Variants in PCNT observed in about 807,000 individuals in gnomAD.
The protein encoded by PCNT is pericentrin.
In PCNT, 319 loss-of-function variants were observed where a neutral mutation model predicts 380.4. That is an observed-to-expected ratio of 0.84 (90% CI 0.77 to 0.92). The LOEUF is 0.92. Among genes scored for constraint, PCNT ranks in the 40% least tolerant of loss-of-function variants. The probability of loss-of-function intolerance (pLI) is 0.00; values close to 1 mark genes in which losing one functional copy is unlikely to be tolerated. For missense variants in PCNT, 4,400 were observed against 4,255.3 expected, an observed-to-expected ratio of 1.03 and a Z score of -0.95; for synonymous variants, 1,845 against 1,735.2, an observed-to-expected ratio of 1.06 and a Z score of -1.57.
rs587784304 is a variant in PCNT, at chr21:46,391,335, G to A, written c.4175G>A (p.Arg1392Gln). 274 of 1,556,868 alleles carry A rather than the reference G, an allele frequency of 1.8e-4. 2 individuals are homozygous for A. The South Asian group carries it at 3.0e-3, about 17-fold the overall frequency. ...GAGGAGTGCACCCGTCTGTGGAGTC[G>A]GGGGGAGGCCACAGCCACGGACGCC... Reference protein sequence around the residue: ...LREECTRLWSRGEATATDAEA... With the variant: ...LREECTRLWSQGEATATDAEA... Residue 1392 changes from arginine (R) to glutamine (Q), a missense_variant, in exon 21 of 47, where the codon CGG becomes CAG. Coordinates refer to ENST00000359568, the MANE Select transcript of PCNT (RefSeq NM_006031.6).
chr21:46,367,169 G>A (rs1272140218), intron 15 of PCNT, 30 bp downstream of exon 15: 1 of 1,593,938 alleles, frequency 6.3e-7, no homozygotes, highest in African/African-American at 1.3e-5. Context: ...CCCCAGCCCA[G>A]GGCAGGCCTC....
intron 41 of PCNT, 55 bp from the exon 42 acceptor site, chr21:46,440,028 G>A (rs1187037836): frequency 6.2e-7 from 1 of 1,610,002 alleles, no homozygotes; most frequent in Non-Finnish European, 8.5e-7. Flanking sequence ...GCGTCTCTAA[G>A]ATGCTCTTGT....
intron 8 of PCNT, among the ~76,000 whole-genome samples, chr21:46,350,970 C>CG: frequency 6.6e-6 from 1 of 152,212 alleles, no homozygotes; most frequent in Admixed American, 6.5e-5. Context: ...TTTAGTGTCA[C>CG]GGTGTAAGAG....
chr21:46,442,939 A>G (rs1267820651), intron 44 of PCNT: 8 of 304,140 alleles, frequency 2.6e-5, no homozygotes, highest in South Asian at 9.0e-5. Flanking sequence ...GCTCACTCAC[A>G]TCTTTGTCTC....
intron 43 of PCNT, 31 bp downstream of exon 43, chr21:46,441,115 C>T: frequency 7.3e-7 from 1 of 1,360,912 alleles, no homozygotes; most frequent in Non-Finnish European, 1.1e-6. Context: ...TCAGTGCGTT[C>T]CGCGTCTGTC....
chr21:46,334,801 T>C (rs2083680755), intron 3 of PCNT, 33 bp downstream of exon 3: 1 of 1,614,188 alleles, frequency 6.2e-7, no homozygotes, highest in South Asian at 1.1e-5. Flanking sequence ...AGGTGTATTC[T>C]TTGTCAAAAG....
intron 21 of PCNT, among the ~76,000 whole-genome samples, chr21:46,396,036 A>G (rs1172199036): frequency 6.6e-6 from 1 of 152,194 alleles, no homozygotes; most frequent in Non-Finnish European, 1.5e-5. Context: ...TCCATCTCGG[A>G]AATAATAGTA....
intron 20 of PCNT, 121 bp from the exon 21 acceptor site, chr21:46,391,043 A>C: frequency 8.6e-7 from 1 of 1,158,290 alleles, no homozygotes; most frequent in South Asian, 1.3e-5. Context: ...TGGGTCCTGG[A>C]AGCTGCTGGC....
At chr21:46,421,760 G>A (rs1050093000) in intron 31 of PCNT, among the ~76,000 whole-genome samples, 1 of 152,198 alleles carries the variant, frequency 6.6e-6, no homozygotes, top group Non-Finnish European at 1.5e-5. Flanking sequence ...GTGAAGTTGC[G>A]TTTTCTTACT....
Position 46,353,187 on chromosome 21 carries a change from T to A in PCNT, c.1540T>A (p.Ser514Thr). 5 of 1,614,008 alleles carry A rather than the reference T, an allele frequency of 3.1e-6. No individual in the cohort carries two copies. The South Asian group carries it at 5.5e-5, about 18-fold the overall frequency. The change falls in exon 10 of 47, where the codon TCC (serine) becomes ACC (threonine). Residue 514 changes from serine to threonine, a missense_variant. By Grantham distance (58) the Ser-to-Thr change is moderately conservative. Transcript: ENST00000359568. ...LKQREKTQHE[S>T]ELEQLRIYFE... is the part of the protein sequence containing the mutation. The stretch of plus-strand genomic sequence containing the variant: ...GCAGCGAGAAAAAACCCAGCATGAG[T>A]CCGAACTGGAGCAACTGAGGATTTA...
At chr21:46,406,545 ACAT>A (rs1157165764) in intron 27 of PCNT, among the ~76,000 whole-genome samples, 1 of 152,198 alleles carries the variant, frequency 6.6e-6, no homozygotes, top group African/African-American at 2.4e-5. Flanking sequence ...GTATAAGATA[ACAT>A]CATCTTCAGA....
intron 27 of PCNT, among the ~76,000 whole-genome samples, chr21:46,408,106 A>G (rs1383949349): frequency 6.6e-6 from 1 of 152,192 alleles, no homozygotes; most frequent in Non-Finnish European, 1.5e-5. Flanking sequence ...CCACAATCTC[A>G]TCACTCAAAA....
At chr21:46,348,920 C>G in intron 6 of PCNT, 92 bp from the exon 7 acceptor site, 1 of 881,928 alleles carries the variant, frequency 1.1e-6, no homozygotes, top group Non-Finnish European at 1.9e-6. Flanking sequence ...GCCACGTTGC[C>G]TGGCCTGCTC....
At chr21:46,442,287 G>A (rs1291638134) in intron 43 of PCNT, among the ~76,000 whole-genome samples, 3 of 152,112 alleles carry the variant, frequency 2.0e-5, no homozygotes, top group African/African-American at 7.2e-5. Context: ...GGCATGGGAA[G>A]GTCGCCGCCG....
rs891644748 is a variant in PCNT, at chr21:46,414,529, C to T, written c.6150+1537C>T. Among the ~76,000 whole-genome samples, 3 of 146,546 alleles carry T rather than the reference C, an allele frequency of 2.0e-5. No homozygotes were observed. In the East Asian group the frequency reaches 6.1e-4, roughly 30 times the overall value. ...TCTCGACACACAACCACCCACCCTGCTCCTCCTCCTCCTCCTCCTGGACAT... is the reference window on the plus strand; with the variant it reads ...TCTCGACACACAACCACCCACCCTGTTCCTCCTCCTCCTCCTCCTGGACAT... On this transcript the variant is annotated intron_variant, in intron 29 of 46. Coordinates refer to ENST00000359568, the MANE Select transcript of PCNT (RefSeq NM_006031.6).
intron 2 of PCNT, among the ~76,000 whole-genome samples, chr21:46,327,393 T>C (rs1229053313): frequency 6.6e-6 from 1 of 151,702 alleles, no homozygotes; most frequent in Non-Finnish European, 1.5e-5. Flanking sequence ...GGGTTTTCTT[T>C]TTCTTTTTTT....
At position 46,366,898 on chromosome 21, in the gene PCNT, A is replaced by G. The variant is rs551387683; in HGVS notation, c.2924A>G (p.Tyr975Cys). The change falls in exon 15 of 47, where the codon TAC (tyrosine) becomes TGC (cysteine). Residue 975 changes from tyrosine (Y) to cysteine (C), a missense_variant. Coordinates refer to ENST00000359568, the MANE Select transcript of PCNT (RefSeq NM_006031.6). ...LSSLDSLESCYLSEFQTIREE... is the reference protein window; with the variant it reads ...LSSLDSLESCCLSEFQTIREE... ...AGCCTTGATTCTTTGGAATCCTGTT[A>G]CCTCTCTGAATTTCAGACCATCCGT... 6.2e-7 allele frequency: 1 copy of G among 1,614,178 alleles called. No individual in the cohort carries two copies. The highest frequency in any genetic ancestry group is 2.2e-5 in the East Asian group (1 of 44,864).
In PCNT at chr21:46,383,485, A is replaced by G. The variant is rs566513501; in HGVS notation, c.3312+1645A>G. Among the ~76,000 whole-genome samples, 45 of 137,982 alleles carry G rather than the reference A, an allele frequency of 3.3e-4. 1 individual carries two copies. Among genetic ancestry groups the G allele is most frequent in the Middle Eastern group, 4.6e-3 (1 of 216 alleles). The allele number at this position is 137,982 out of a possible 152,430, so 90.5% of individuals were successfully genotyped here. On this transcript the variant is annotated intron_variant, in intron 16 of 46. Coordinates refer to ENST00000359568, the MANE Select transcript of PCNT (RefSeq NM_006031.6). ...CAGAAGCGCATTCACAGTGTTGTATATTCAGTGGCGGAAGCGCATTCACCA... is the reference window on the plus strand; with the variant it reads ...CAGAAGCGCATTCACAGTGTTGTATGTTCAGTGGCGGAAGCGCATTCACCA...
chr21:46,400,767 G>T (rs755579330), intron 25 of PCNT, among the ~76,000 whole-genome samples: 16 of 152,118 alleles, frequency 1.1e-4, no homozygotes, highest in African/African-American at 3.6e-4. Context: ...TGATCTGCCC[G>T]CCTTGGCCTC....
Sources: allele counts gnomAD v4.1 joint callset (sites outside exome capture counted in the v4.1 genomes callset), GRCh38; gene constraint gnomAD v4.1.1; transcripts MANE v1.5; gene names NCBI Gene and HGNC (gene_info 2026-07-23, HGNC 2026-07-21).